The following HNRNPA1L2 variants were observed in gnomAD, a reference collection of about 807,000 sequenced individuals.
HNRNPA1L2 encodes the protein heterogeneous nuclear ribonucleoprotein A1-like 2.
In HNRNPA1L2, 10 loss-of-function variants were observed where a neutral mutation model predicts 18.2. The observed-to-expected ratio is 0.55, with a 90% CI of 0.34 to 0.93. The LOEUF is 0.93. Ranked by LOEUF, HNRNPA1L2 falls within the 40% of genes least tolerant of loss-of-function variation. The pLI is 0.02. For missense variants in HNRNPA1L2, 308 were observed against 394.4 expected (o/e 0.78, Z 1.85); for synonymous variants, 124 against 138.6 (o/e 0.89, Z 0.74).
At chr13:52,634,664 G>A in the HNRNPA1L2 span, among the ~76,000 whole-genome samples, 8 of 152,140 alleles carry the variant, frequency 5.3e-5, no homozygotes, top group Non-Finnish European at 1.0e-4. Flanking sequence ...GAGTTATTCT[G>A]TTCCATGATT....
chr13:52,622,666 AATT>A, the HNRNPA1L2 span, among the ~76,000 whole-genome samples: 2,351 of 152,294 alleles, frequency 0.015, 60 homozygotes, highest in African/African-American at 0.053. Flanking sequence ...CCATTTAAAA[AATT>A]TTTTCTGGAA....
chr13:52,623,507 A>C, the HNRNPA1L2 span, among the ~76,000 whole-genome samples: 1 of 152,192 alleles, frequency 6.6e-6, no homozygotes, highest in African/African-American at 2.4e-5. Context: ...ACCTTTTATC[A>C]GTGGTCCTGT....
the HNRNPA1L2 span, among the ~76,000 whole-genome samples, chr13:52,617,963 G>A: frequency 1.3e-5 from 2 of 152,312 alleles, no homozygotes; most frequent in South Asian, 4.1e-4. Flanking sequence ...AGCTCCAAAA[G>A]CGAAGTTGTT....
chr13:52,631,367 A>AGTAG, the HNRNPA1L2 span, among the ~76,000 whole-genome samples: 1 of 152,216 alleles, frequency 6.6e-6, no homozygotes, highest in Admixed American at 6.5e-5. Context: ...TCTGGTACAT[A>AGTAG]GTAGGTGCTC....
upstream of HNRNPA1L2, among the ~76,000 whole-genome samples, chr13:52,639,371 T>TA (rs987145691): frequency 5.9e-5 from 9 of 152,160 alleles, no homozygotes; most frequent in African/African-American, 2.2e-4. Flanking sequence ...CGTTTTTACT[T>TA]ACGATATCTT....
the HNRNPA1L2 span, among the ~76,000 whole-genome samples, chr13:52,622,613 A>C: frequency 2.6e-5 from 4 of 152,200 alleles, no homozygotes; most frequent in Non-Finnish European, 4.4e-5. Flanking sequence ...CTTGATTTGA[A>C]GGTAGCTTCA....
chr13:52,637,846 A>C (rs574685884), upstream of HNRNPA1L2, among the ~76,000 whole-genome samples: 1 of 152,154 alleles, frequency 6.6e-6, no homozygotes, highest in Non-Finnish European at 1.5e-5. Flanking sequence ...ATATTATACT[A>C]TATGTTATCC....
chr13:52,621,081 A>T, the HNRNPA1L2 span, among the ~76,000 whole-genome samples: 1 of 152,190 alleles, frequency 6.6e-6, no homozygotes, highest in African/African-American at 2.4e-5. Flanking sequence ...AAACTAACAC[A>T]TTCAAAGAGT....
At position 52,643,212 on chromosome 13, in the gene HNRNPA1L2, T is replaced by C. The variant is rs150198613; in HGVS notation, c.720T>C (p.Ser240=). ...GSCGGGGYGG[S]GDGYNGFGND... is the part of the protein sequence containing the mutation. ...GTGGTGGTGGTGGATATGGTGGCAG[T>C]GGGGATGGCTATAATGGATTTGGTA... Residue 240 remains serine, a synonymous_variant, in exon 1 of 1, where the codon AGT becomes AGC. Coordinates refer to ENST00000357495, the MANE Select transcript of HNRNPA1L2 (RefSeq NM_001389320.1). 1.2e-5 allele frequency: 19 copies of C among 1,597,268 alleles called. No individual in the cohort carries two copies. The highest frequency in any genetic ancestry group is 1.7e-5 in the Admixed American group (1 of 59,972).
At chr13:52,632,239 G>A in the HNRNPA1L2 span, among the ~76,000 whole-genome samples, 2 of 152,144 alleles carry the variant, frequency 1.3e-5, 1 homozygote, top group East Asian at 3.9e-4. Flanking sequence ...GTATTATGAA[G>A]CAAAACTTCA....
the HNRNPA1L2 span, among the ~76,000 whole-genome samples, chr13:52,631,819 C>T: frequency 2.6e-5 from 4 of 152,048 alleles, no homozygotes; most frequent in African/African-American, 9.7e-5. Context: ...AAAATGTTAC[C>T]TGTTAACTCT....
upstream of HNRNPA1L2, among the ~76,000 whole-genome samples, chr13:52,640,516 G>C (rs1009488766): frequency 1.3e-5 from 2 of 152,190 alleles, no homozygotes; most frequent in African/African-American, 4.8e-5. Context: ...AAGAATAACT[G>C]ATCTGGCCCC....
upstream of HNRNPA1L2, among the ~76,000 whole-genome samples, chr13:52,640,331 A>T (rs546597225): frequency 6.6e-6 from 1 of 152,250 alleles, no homozygotes; most frequent in Non-Finnish European, 1.5e-5. Context: ...TTGTATTTTT[A>T]ACTAGTATTG....
the HNRNPA1L2 span, among the ~76,000 whole-genome samples, chr13:52,624,612 T>G: frequency 2.0e-5 from 3 of 152,212 alleles, no homozygotes; most frequent in Non-Finnish European, 4.4e-5. Context: ...CATCCACAGA[T>G]AACTTCTGAT....
chr13:52,643,209 C>T lies in HNRNPA1L2; in HGVS notation c.717C>T (p.Gly239=). The change falls in exon 1 of 1, where the codon GGC becomes GGT. Residue 239 remains glycine, a synonymous_variant. Coordinates refer to ENST00000357495, the MANE Select transcript of HNRNPA1L2 (RefSeq NM_001389320.1). ...GGSCGGGGYG[G]SGDGYNGFGN... is the part of the protein sequence containing the mutation. ...GCTGTGGTGGTGGTGGATATGGTGG[C>T]AGTGGGGATGGCTATAATGGATTTG... The T allele has an allele frequency of 6.3e-7, 1 of 1,597,272 alleles. No homozygotes were observed. Among genetic ancestry groups the T allele is most frequent in the Middle Eastern group, 2.2e-4 (1 of 4,602 alleles).
rs1289878809 is a variant in HNRNPA1L2 at position 52,643,680 on chromosome 13, G to A, written c.*225G>A. ...TTTTAGTTTCTGTTCTGTGGAAAGT[G>A]TAAAGCATTCCAACAAAGTGTTTTA... On this transcript the variant is annotated 3_prime_UTR_variant, in exon 1 of 1. Coordinates refer to ENST00000357495, the MANE Select transcript of HNRNPA1L2 (RefSeq NM_001389320.1). The A allele has an allele frequency of 1.4e-5, 8 of 587,740 alleles. No individual in the cohort carries two copies. Among genetic ancestry groups the A allele is most frequent in the Non-Finnish European group, 2.4e-5 (8 of 331,922 alleles). The allele number at this position is 587,740 out of a possible 1,614,324, so 36.4% of individuals were successfully genotyped here.
At chr13:52,630,717 A>C in the HNRNPA1L2 span, among the ~76,000 whole-genome samples, 4 of 152,220 alleles carry the variant, frequency 2.6e-5, no homozygotes, top group Non-Finnish European at 5.9e-5. Flanking sequence ...AAGTTGGAAA[A>C]GGTGGTTAGC....
the HNRNPA1L2 span, among the ~76,000 whole-genome samples, chr13:52,630,923 T>C: frequency 1.8e-4 from 27 of 152,210 alleles, no homozygotes; most frequent in Non-Finnish European, 3.4e-4. Context: ...CATATAATAC[T>C]GTGCAGCTAC....
At chr13:52,625,217 C>T in the HNRNPA1L2 span, among the ~76,000 whole-genome samples, 2 of 151,326 alleles carry the variant, frequency 1.3e-5, no homozygotes, top group African/African-American at 4.9e-5. Context: ...TAGGTTGAAG[C>T]GATTCTCCTT....
Sources: allele counts gnomAD v4.1 joint callset (sites outside exome capture counted in the v4.1 genomes callset), GRCh38; gene constraint gnomAD v4.1.1; transcripts MANE v1.5; gene names NCBI Gene and HGNC (gene_info 2026-07-23, HGNC 2026-07-21).